HAT1: variants seen among roughly 807,000 people sequenced by gnomAD.
HAT1 encodes the protein histone acetyltransferase 1.
In HAT1, 20 loss-of-function variants were observed where a neutral mutation model predicts 56.6. The observed-to-expected ratio is 0.35, with a 90% CI of 0.25 to 0.51. The LOEUF (loss-of-function observed/expected upper bound fraction) is 0.51, where lower values mean the gene tolerates loss of function less well. HAT1 is among the 20% of genes least tolerant of loss of function. The probability of loss-of-function intolerance (pLI) is 0.95; values close to 1 mark genes in which losing one functional copy is unlikely to be tolerated. For synonymous variants in HAT1, 146 were observed against 165.5 expected, an observed-to-expected ratio of 0.88 and a Z score of 0.91; for missense variants, 408 against 504.3, an observed-to-expected ratio of 0.81 and a Z score of 1.83.
chr2:171,958,204 A>T (rs1404246585), intron 4 of HAT1, among the ~76,000 whole-genome samples: 1 of 152,144 alleles, frequency 6.6e-6, no homozygotes, highest in African/African-American at 2.4e-5. Flanking sequence ...TTGTACTAGG[A>T]GATGATTATT....
At chr2:171,941,569 T>G (rs1687019641) in intron 2 of HAT1, among the ~76,000 whole-genome samples, 1 of 152,184 alleles carries the variant, frequency 6.6e-6, no homozygotes, top group Non-Finnish European at 1.5e-5. Context: ...CCTCAGATCA[T>G]CAGGCATTAG....
chr2:171,976,416 C>G (rs935285268), intron 9 of HAT1, 108 bp downstream of exon 9: 6 of 529,022 alleles, frequency 1.1e-5, no homozygotes, highest in Non-Finnish European at 1.8e-5. Flanking sequence ...TGTGTGGGAA[C>G]TAGCAATGGT....
At chr2:171,929,855 A>T (rs1686693953) in intron 2 of HAT1, among the ~76,000 whole-genome samples, 1 of 152,190 alleles carries the variant, frequency 6.6e-6, no homozygotes, top group African/African-American at 2.4e-5. Flanking sequence ...GATTCCTGGT[A>T]GTGTGAGTCC....
At chr2:171,930,325 A>T (rs1225666821) in intron 2 of HAT1, among the ~76,000 whole-genome samples, 1 of 151,962 alleles carries the variant, frequency 6.6e-6, no homozygotes, top group Non-Finnish European at 1.5e-5. Flanking sequence ...ATACACCACC[A>T]TGCCTGGCTA....
At chr2:171,931,485 T>A (rs892106766) in intron 2 of HAT1, among the ~76,000 whole-genome samples, 1 of 152,026 alleles carries the variant, frequency 6.6e-6, no homozygotes, top group African/African-American at 2.4e-5. Flanking sequence ...ACAAGCCTGG[T>A]CAACATGGTG....
intron 8 of HAT1, among the ~76,000 whole-genome samples, chr2:171,971,084 C>T (rs1361589567): frequency 6.6e-6 from 1 of 151,970 alleles, no homozygotes; most frequent in Non-Finnish European, 1.5e-5. Flanking sequence ...CCTGTAGTCC[C>T]AGCTACTTGG....
intron 2 of HAT1, among the ~76,000 whole-genome samples, chr2:171,933,366 C>CT (rs1686791456): frequency 6.6e-6 from 1 of 151,962 alleles, no homozygotes; most frequent in African/African-American, 2.4e-5. Flanking sequence ...GTCTAATTTG[C>CT]TTTTTTTAAG....
intron 8 of HAT1, among the ~76,000 whole-genome samples, chr2:171,969,792 C>T (rs1272695832): frequency 1.3e-5 from 2 of 152,028 alleles, no homozygotes; most frequent in Non-Finnish European, 2.9e-5. Context: ...AGTAGTTTTT[C>T]TCAACTGTAA....
rs534032669 is a variant in HAT1, at chr2:171,958,476, C to T, written c.309+5475C>T. ...TTTAATTTTTAATTTTTTGTAGAGA[C>T]GGGGTCTTGCTATAGTGCCCAGACT... On this transcript the variant is annotated intron_variant, in intron 4 of 10. Transcript: ENST00000264108. Among the ~76,000 whole-genome samples the T allele has an allele frequency of 3.3e-5, 5 of 152,040 alleles. No individual in the cohort carries two copies. In the East Asian group the frequency reaches 5.8e-4, roughly 18 times the overall value.
intron 4 of HAT1, chr2:171,964,979 T>C (rs2105334652): frequency 6.1e-6 from 1 of 163,946 alleles, no homozygotes; most frequent in South Asian, 2.0e-4. Context: ...TAATATGATT[T>C]CTTTGACACA....
intron 8 of HAT1, among the ~76,000 whole-genome samples, chr2:171,975,351 C>T (rs1055981346): frequency 1.2e-4 from 18 of 152,038 alleles, no homozygotes; most frequent in Admixed American, 3.9e-4. Flanking sequence ...GTGATCCGCC[C>T]GCCTCAGCCT....
In HAT1 at chr2:171,946,203, A is replaced by G. The variant is rs115043259; in HGVS notation, c.113-505A>G. ...TACTTATAAAAGTACAGCAGGATGT[A>G]TATAAGGATGTCATTGCAGTGTTAT... is the stretch of plus-strand genomic sequence containing the variant. On this transcript the variant is annotated intron_variant, in intron 2 of 10. Coordinates refer to ENST00000264108, the MANE Select transcript of HAT1 (RefSeq NM_003642.4). Among the ~76,000 whole-genome samples, 910 of 152,334 alleles carry G rather than the reference A, an allele frequency of 6.0e-3. 7 individuals carry two copies. Among genetic ancestry groups the G allele is most frequent in the African/African-American group, 0.019 (772 of 41,574 alleles).
At chr2:171,948,832 G>T (rs1038013117) in intron 3 of HAT1, among the ~76,000 whole-genome samples, 1 of 152,162 alleles carries the variant, frequency 6.6e-6, no homozygotes. Context: ...AAATGGTATT[G>T]TGTCCTCAGT....
At chr2:171,946,821 G>GA (rs746011580) in intron 3 of HAT1, 38 bp downstream of exon 3, 344 of 911,580 alleles carry the variant, frequency 3.8e-4, no homozygotes, top group South Asian at 7.4e-4. Context: ...AATTAGTATG[G>GA]AAAAAAAAAT....
chr2:171,960,584 T>C (rs1687549152), intron 4 of HAT1, among the ~76,000 whole-genome samples: 1 of 152,202 alleles, frequency 6.6e-6, no homozygotes, highest in Non-Finnish European at 1.5e-5. Context: ...GCACCTAAAA[T>C]TCTTCAGTCA....
chr2:171,977,461 T>TA (rs369071500), intron 9 of HAT1, among the ~76,000 whole-genome samples: 24,675 of 108,180 alleles, frequency 0.23, 3,200 homozygotes, highest in Middle Eastern at 0.34. Flanking sequence ...GACTTCATCT[T>TA]AAAAAAAAAA....
rs1686568159 is a variant in HAT1, at chr2:171,925,558, T to A, written c.29T>A (p.Phe10Tyr). 2.6e-6 allele frequency: 4 copies of A among 1,551,526 alleles called. No individual in the cohort carries two copies. Among genetic ancestry groups the A allele is most frequent in the African/African-American group, 1.4e-5 (1 of 73,622 alleles). The change falls in exon 2 of 11, where the codon TTT becomes TAT. Residue 10 changes from phenylalanine (F) to tyrosine (Y), a missense_variant. By Grantham distance (22) the Phe-to-Tyr change is conservative. Transcript: ENST00000264108. The part of the protein sequence containing the change: MAGFGAMEK[F>Y]LVEYKSAVEK... ...TTAGGATTTGGTGCTATGGAGAAAT[T>A]TTTGGTAGAATATAAGAGTGCAGTG...
At chr2:171,949,631 G>A (rs1321313874) in intron 3 of HAT1, among the ~76,000 whole-genome samples, 6 of 148,846 alleles carry the variant, frequency 4.0e-5, no homozygotes, top group Admixed American at 2.0e-4. Flanking sequence ...CTGAGATTGC[G>A]CCACTGCACT....
chr2:171,922,531 C>A, intron 1 of HAT1, 24 bp downstream of exon 1: 8 of 1,316,256 alleles, frequency 6.1e-6, no homozygotes, highest in Non-Finnish European at 7.8e-6. Flanking sequence ...AAAAGTTTAC[C>A]AAGGGGAGGA....
Sources: allele counts gnomAD v4.1 joint callset (sites outside exome capture counted in the v4.1 genomes callset), GRCh38; gene constraint gnomAD v4.1.1; transcripts MANE v1.5; gene names NCBI Gene and HGNC (gene_info 2026-07-23, HGNC 2026-07-21).